Variants in HAUS8 observed in about 807,000 individuals in gnomAD.
The protein encoded by HAUS8 is HAUS augmin like complex subunit 8.
Under a neutral mutation model 42.9 loss-of-function variants are expected in HAUS8, and 38 were observed. That is an observed-to-expected ratio of 0.89 (90% CI 0.68 to 1.16). HAUS8 has a LOEUF of 1.16. Ranked by LOEUF, HAUS8 falls within the 50% of genes most tolerant of loss-of-function variation. HAUS8 has a pLI of 0.00. For missense variants in HAUS8, 494 were observed against 511.6 expected (o/e 0.97, Z 0.33); for synonymous variants, 199 against 205.8 (o/e 0.97, Z 0.28).
At chr19:17,074,927 T>G (rs1207185206) in intron 1 of HAUS8, 1 of 166,088 alleles carries the variant, frequency 6.0e-6, no homozygotes, top group Non-Finnish European at 1.3e-5. Flanking sequence ...CTCCATCATC[T>G]CCTCAGTAAA....
intron 3 of HAUS8, among the ~76,000 whole-genome samples, 184 bp downstream of exon 3, chr19:17,068,847 C>T (rs2057403744): frequency 6.6e-6 from 1 of 152,056 alleles, no homozygotes; most frequent in African/African-American, 2.4e-5. Flanking sequence ...AGCCATGAGC[C>T]GTCGATGACA....
At chr19:17,066,905 G>A (rs2057390157) in intron 3 of HAUS8, among the ~76,000 whole-genome samples, 1 of 152,118 alleles carries the variant, frequency 6.6e-6, no homozygotes, top group South Asian at 2.1e-4. Flanking sequence ...AATACTATTC[G>A]GCCATAAGAA....
At chr19:17,056,613 T>TG (rs1245191935) in intron 8 of HAUS8, among the ~76,000 whole-genome samples, 2 of 152,156 alleles carry the variant, frequency 1.3e-5, no homozygotes, top group African/African-American at 4.8e-5. Flanking sequence ...ATTTTTTAGA[T>TG]GGAATCTTGC....
intron 2 of HAUS8, 158 bp from the exon 3 acceptor site, chr19:17,069,244 G>T (rs1331743833): frequency 3.4e-5 from 23 of 677,862 alleles, no homozygotes; most frequent in Non-Finnish European, 4.3e-5. Flanking sequence ...CTCTGATCAC[G>T]TCCTTCGGCA....
At chr19:17,050,666 C>T (rs1236102724) in intron 10 of HAUS8, among the ~76,000 whole-genome samples, 6 of 152,118 alleles carry the variant, frequency 3.9e-5, no homozygotes, top group African/African-American at 7.2e-5. Flanking sequence ...GAGGCTGAGG[C>T]GGGCAGATCG....
chr19:17,075,435 C>T lies in HAUS8; in HGVS notation c.-13G>A, dbSNP rs768725480. 1.2e-5 allele frequency: 20 copies of T among 1,613,548 alleles called. No homozygotes were observed. The highest frequency in any genetic ancestry group is 1.7e-5 in the Admixed American group (1 of 60,014). On this transcript the variant is annotated 5_prime_UTR_variant, in exon 1 of 11. Coordinates refer to ENST00000253669, the MANE Select transcript of HAUS8 (RefSeq NM_033417.2). ...AGGAATCCGCCATTTTCCCGCCTTC[C>T]ACCTCAAGGCCCGACCCGCCGGCTT...
chr19:17,049,971 C>T lies in HAUS8; in HGVS notation c.1135G>A (p.Ala379Thr), dbSNP rs758346423. Residue 379 changes from alanine (A) to threonine (T), a missense_variant, in exon 11 of 11, where the codon GCT (alanine) becomes ACT (threonine). By Grantham distance (58) the Ala-to-Thr change is moderately conservative (BLOSUM62 0). Coordinates refer to ENST00000253669, the MANE Select transcript of HAUS8 (RefSeq NM_033417.2). Reference protein sequence around the residue: ...DDNPGASSAPAQATFISPSED... With the variant: ...DDNPGASSAPTQATFISPSED... ...CTTGGGCTGATGAACGTGGCCTGAG[C>T]GGGGGCTGACGAGGCACCCGGGTTG... is the stretch of plus-strand genomic sequence containing the variant. The T allele has an allele frequency of 8.8e-6, 14 of 1,597,604 alleles. No individual in the cohort carries two copies. Among genetic ancestry groups the T allele is most frequent in the Non-Finnish European group, 8.5e-6 (10 of 1,172,504 alleles).
At chr19:17,074,467 T>C (rs2057452154) in intron 1 of HAUS8, 1 of 152,256 alleles carries the variant, frequency 6.6e-6, no homozygotes, top group Admixed American at 6.5e-5. Context: ...GCTTCCTAAC[T>C]GTTCACACCT....
chr19:17,072,229 G>A (rs1406062887), intron 2 of HAUS8, among the ~76,000 whole-genome samples: 1 of 151,716 alleles, frequency 6.6e-6, no homozygotes, highest in Non-Finnish European at 1.5e-5. Context: ...CTCTAAGCTC[G>A]CTGAATTGGG....
intron 3 of HAUS8, among the ~76,000 whole-genome samples, chr19:17,068,347 C>CA (rs2057400593): frequency 6.6e-6 from 1 of 152,092 alleles, no homozygotes; most frequent in Non-Finnish European, 1.5e-5. Flanking sequence ...CTCCTAGCCT[C>CA]AAGTGATCCG....
intron 4 of HAUS8, among the ~76,000 whole-genome samples, chr19:17,060,984 G>A (rs777202476): frequency 1.6e-4 from 25 of 152,140 alleles, no homozygotes; most frequent in Non-Finnish European, 3.7e-4. Context: ...AATGAAAAGA[G>A]GAAGGTCACT....
chr19:17,069,101 T>C lies in HAUS8; in HGVS notation c.92-15A>G. Reference sequence around the variant, plus strand: ...CACTCTTCCACCTGTGGGGACACACTGTTGGTGCACAACAAAACTACAAAG... The same window carrying C: ...CACTCTTCCACCTGTGGGGACACACCGTTGGTGCACAACAAAACTACAAAG... On this transcript the variant is annotated splice_polypyrimidine_tract_variant and intron_variant, in intron 2 of 10. Transcript: ENST00000253669. 2 of 1,611,040 alleles carry C rather than the reference T, an allele frequency of 1.2e-6. No individual in the cohort carries two copies. The highest frequency in any genetic ancestry group is 1.7e-6 in the Non-Finnish European group (2 of 1,178,054).
Position 17,062,779 on chromosome 19 carries a change from C to G in HAUS8, c.148G>C (p.Ala50Pro), listed in dbSNP as rs2057368652. 6.2e-7 allele frequency: 1 copy of G among 1,611,692 alleles called. No homozygotes were observed. Among genetic ancestry groups the G allele is most frequent in the Non-Finnish European group, 8.5e-7 (1 of 1,177,792 alleles). The change falls in exon 4 of 11, where the codon GCT (alanine) becomes CCT (proline). Residue 50 changes from alanine to proline, a missense_variant and splice_region_variant. Physicochemically the swap from Ala to Pro is conservative, Grantham distance 27 (BLOSUM62 -1). Coordinates refer to ENST00000253669, the MANE Select transcript of HAUS8 (RefSeq NM_033417.2). ...LQYEKKTTQK[A>P]PAGDGSQTRG... ...GTCTGTGACCCATCTCCTGCAGGAG[C>G]CTGTTATGGGAACACATGACACTCA...
At chr19:17,059,892 G>A in intron 5 of HAUS8, 105 bp downstream of exon 5, 3 of 815,464 alleles carry the variant, frequency 3.7e-6, no homozygotes, top group Non-Finnish European at 4.2e-6. Flanking sequence ...CTTACAATGG[G>A]TTTGTTGGAT....
At chr19:17,074,038 T>C (rs1227213711) in intron 1 of HAUS8, 2 of 146,950 alleles carry the variant, frequency 1.4e-5, no homozygotes, top group Non-Finnish European at 3.0e-5. Flanking sequence ...AAAATAAAAA[T>C]AGAATGAAGC....
chr19:17,061,769 G>A (rs545293190), intron 4 of HAUS8, among the ~76,000 whole-genome samples: 9 of 152,286 alleles, frequency 5.9e-5, no homozygotes, highest in East Asian at 3.9e-4. Flanking sequence ...CTGCCTAAGC[G>A]TTCCCTGGGG....
chr19:17,059,667 G>A lies in HAUS8; in HGVS notation c.326-16C>T. ...ATGCTTTTGTCTAAGATAAAGCACA[G>A]CATTTTTAATGGCAAGTAGCGTATA... On this transcript the variant is annotated splice_polypyrimidine_tract_variant and intron_variant, in intron 5 of 10. Coordinates refer to ENST00000253669, the MANE Select transcript of HAUS8 (RefSeq NM_033417.2). The A allele has an allele frequency of 6.3e-7, 1 of 1,590,018 alleles. No individual in the cohort carries two copies. Among genetic ancestry groups the A allele is most frequent in the Non-Finnish European group, 8.6e-7 (1 of 1,159,544 alleles).
chr19:17,055,114 GAAAAAAAAAAA>G (rs1175327637), intron 9 of HAUS8: 6 of 4,722 alleles, frequency 1.3e-3, no homozygotes, highest in East Asian at 0.01. Flanking sequence ...CGTCTCTACA[GAAAAAAAAAAA>G]AAAAAAAAAA....
In HAUS8 at chr19:17,069,087, C is replaced by A; in HGVS notation, c.92-1G>T. ...TACCGGGACTCAATCACTCTTCCAC[C>A]TGTGGGGACACACTGTTGGTGCACA... On this transcript the variant is annotated splice_acceptor_variant, in intron 2 of 10. Transcript: ENST00000253669. LOFTEE classifies it high-confidence loss of function. 1 of 1,612,880 alleles carries A rather than the reference C, an allele frequency of 6.2e-7. No individual in the cohort carries two copies. Among genetic ancestry groups the A allele is most frequent in the Non-Finnish European group, 8.5e-7 (1 of 1,179,352 alleles).
Sources: allele counts gnomAD v4.1 joint callset (sites outside exome capture counted in the v4.1 genomes callset), GRCh38; gene constraint gnomAD v4.1.1; transcripts MANE v1.5; gene names NCBI Gene and HGNC (gene_info 2026-07-23, HGNC 2026-07-21).